Variants in SOS1 observed in about 807,000 individuals in gnomAD.
SOS1 encodes son of sevenless homolog 1.
In SOS1, 25 loss-of-function variants were observed where a neutral mutation model predicts 157.6. That is an observed-to-expected ratio of 0.16 (90% CI 0.12 to 0.22). The LOEUF is 0.22. Ranked by LOEUF, SOS1 falls within the 10% of genes least tolerant of loss-of-function variation. The pLI is 1.00. For synonymous variants in SOS1, 528 were observed against 534.0 expected, an observed-to-expected ratio of 0.99 and a Z score of 0.16; for missense variants, 1,237 against 1,599.1, an observed-to-expected ratio of 0.77 and a Z score of 3.86.
chr2:39,041,926 A>T (rs1037845950), intron 6 of SOS1, among the ~76,000 whole-genome samples: 13 of 152,070 alleles, frequency 8.5e-5, no homozygotes, highest in East Asian at 3.8e-4. Flanking sequence ...TATGGAATGA[A>T]TTTTTTTCCA....
Position 39,022,960 on chromosome 2 carries a change from G to C in SOS1, c.1468C>G (p.Leu490Val), listed in dbSNP as rs1669845000. 6.2e-7 allele frequency: 1 copy of C among 1,613,514 alleles called. No homozygotes were observed. The highest frequency in any genetic ancestry group is 8.5e-7 in the Non-Finnish European group (1 of 1,179,750). Residue 490 changes from leucine to valine, a missense_variant, in exon 10 of 23, where the codon CTT becomes GTT. Physicochemically the swap from Leu to Val is conservative, Grantham distance 32. This residue lies in a region of SOS1 where 210 missense variants were observed against 220.2 expected (regional missense o/e 0.95). Coordinates refer to ENST00000402219, the MANE Select transcript of SOS1 (RefSeq NM_005633.4). ...LPGASNAEYR[L>V]KEKFFMRKVQ... ...TTTCGCATAAAAAACTTTTCTTTAA[G>C]ACGATATTCTGCATTGCTAGCACCA...
Position 39,096,819 on chromosome 2 carries a change from G to C in SOS1, c.87+23517C>G, listed in dbSNP as rs538571998. On this transcript the variant is annotated intron_variant, in intron 1 of 22. Transcript: ENST00000402219. ...GAGAATGGTGTAAACCCAGGAGGTG[G>C]AGCTTGCAGTGAGCCGAGATCGCGC... 6.6e-5 allele frequency among the ~76,000 whole-genome samples: 10 copies of C among 151,910 alleles called. No individual in the cohort carries two copies. In the South Asian group the frequency reaches 2.1e-3, roughly 32 times the overall value.
chr2:39,077,290 C>T (rs930203780), intron 1 of SOS1, among the ~76,000 whole-genome samples: 2 of 149,410 alleles, frequency 1.3e-5, no homozygotes, highest in African/African-American at 2.5e-5. Flanking sequence ...TGCAGTGAGC[C>T]GAGATCGTGC....
At chr2:39,098,384 ATTCCT>A in intron 1 of SOS1, 2 of 239,412 alleles carry the variant, frequency 8.4e-6, no homozygotes, top group Non-Finnish European at 8.1e-6. Flanking sequence ...TTTCAGGCAC[ATTCCT>A]TTCATCAATA....
intron 1 of SOS1, among the ~76,000 whole-genome samples, chr2:39,087,457 C>T (rs141828867): frequency 8.2e-4 from 125 of 152,298 alleles, no homozygotes; most frequent in African/African-American, 2.5e-3. Context: ...CAATTAAACA[C>T]AGAATATTTA....
chr2:39,123,005 A>G (rs572683906), upstream of SOS1, among the ~76,000 whole-genome samples: 9 of 152,308 alleles, frequency 5.9e-5, no homozygotes, highest in South Asian at 1.9e-3. Flanking sequence ...AAAGGCGTGC[A>G]TCTGGCTCCT....
chr2:39,011,506 G>A (rs942824574), intron 14 of SOS1, among the ~76,000 whole-genome samples: 31 of 152,024 alleles, frequency 2.0e-4, no homozygotes, highest in African/African-American at 7.2e-4. Flanking sequence ...TTCTAACACT[G>A]TAATTTTCAG....
intron 19 of SOS1, among the ~76,000 whole-genome samples, chr2:38,996,136 C>T (rs745629560): frequency 3.0e-4 from 46 of 151,854 alleles, no homozygotes; most frequent in Admixed American, 7.9e-4. Flanking sequence ...CAGGCTGGAG[C>T]TGGATAGCCA....
At chr2:39,067,206 G>A (rs903614097) in intron 2 of SOS1, among the ~76,000 whole-genome samples, 2 of 151,884 alleles carry the variant, frequency 1.3e-5, no homozygotes, top group Admixed American at 6.6e-5. Context: ...TAGAGATGGG[G>A]TCTCACTTTG....
rs869178369 is a variant in SOS1, at chr2:39,069,190, C to CAAAAAAAA, written c.88-1445_88-1438dup. 7.3e-4 allele frequency among the ~76,000 whole-genome samples: 34 copies of CAAAAAAAA among 46,758 alleles called. 4 individuals carry two copies. Among genetic ancestry groups the CAAAAAAAA allele is most frequent in the East Asian group, 1.0e-3 (1 of 978 alleles). The allele number at this position is 46,758 out of a possible 152,430, so 30.7% of individuals were successfully genotyped here. A position where few individuals can be genotyped will look rare whatever the true frequency, so the allele number is the denominator to read the frequency against. On this transcript the variant is annotated intron_variant, in intron 1 of 22. Coordinates refer to ENST00000402219, the MANE Select transcript of SOS1 (RefSeq NM_005633.4). ...GGGAAAACCTGTCTCTACCAAAAAG[C>CAAAAAAAA]AAAAAAAAAAAAAAAAAAAAAAAAA...
intron 1 of SOS1, among the ~76,000 whole-genome samples, chr2:39,087,439 T>C (rs1412448442): frequency 2.0e-5 from 3 of 152,204 alleles, no homozygotes; most frequent in African/African-American, 7.2e-5. Context: ...TACATTTTTG[T>C]CACAAAACAA....
At chr2:39,091,931 C>T (rs543264322) in intron 1 of SOS1, among the ~76,000 whole-genome samples, 1 of 152,330 alleles carries the variant, frequency 6.6e-6, no homozygotes, top group African/African-American at 2.4e-5. Context: ...TCATTTCTCA[C>T]CACCTACACT....
intron 1 of SOS1, among the ~76,000 whole-genome samples, chr2:39,087,971 C>G (rs544540826): frequency 1.3e-5 from 2 of 151,118 alleles, no homozygotes; most frequent in African/African-American, 4.9e-5. Context: ...CTGCACCCAG[C>G]CGAAAGTGCT....
chr2:39,046,590 C>T (rs995630713), intron 6 of SOS1, among the ~76,000 whole-genome samples: 11 of 150,812 alleles, frequency 7.3e-5, no homozygotes, highest in African/African-American at 9.8e-5. Flanking sequence ...CTGCAAGCTC[C>T]GCCTCCCGGG....
intron 4 of SOS1, among the ~76,000 whole-genome samples, chr2:39,055,348 C>T (rs150256075): frequency 6.6e-6 from 1 of 152,098 alleles, no homozygotes; most frequent in African/African-American, 2.4e-5. Context: ...CTCTATAACA[C>T]AATAAAATAT....
rs532099545 is a variant in SOS1, at chr2:39,013,320, A to G, written c.2167+140T>C. ...GCAGGTCTAAATGCTATTTGATGAAAATTTTTAACTTTTTGAAATGGTTAT... is the reference window on the plus strand; with the variant it reads ...GCAGGTCTAAATGCTATTTGATGAAGATTTTTAACTTTTTGAAATGGTTAT... On this transcript the variant is annotated intron_variant, in intron 13 of 22. Transcript: ENST00000402219. The G allele has an allele frequency of 1.2e-5, 8 of 660,366 alleles. No individual in the cohort carries two copies. The East Asian group carries it at 1.4e-4, about 11-fold the overall frequency. The allele number at this position is 660,366 out of a possible 1,614,324, so 40.9% of individuals were successfully genotyped here. A position where few individuals can be genotyped will look rare whatever the true frequency, so the allele number is the denominator to read the frequency against.
intron 1 of SOS1, among the ~76,000 whole-genome samples, chr2:39,110,266 T>C (rs1449746506): frequency 3.9e-5 from 6 of 152,112 alleles, no homozygotes; most frequent in African/African-American, 1.4e-4. Flanking sequence ...TAACTAATAC[T>C]ATGTAAATAG....
chr2:39,103,253 G>A (rs569026400), intron 1 of SOS1, among the ~76,000 whole-genome samples: 2 of 152,120 alleles, frequency 1.3e-5, no homozygotes, highest in Non-Finnish European at 2.9e-5. Context: ...GTACAGATTC[G>A]ATGCAATCTC....
chr2:38,987,805 G>A, intron 21 of SOS1: 1 of 514,256 alleles, frequency 1.9e-6, no homozygotes, highest in South Asian at 2.2e-5. Flanking sequence ...GAAAAAAGCT[G>A]CCTAAGGTAT....
Sources: gnomAD v4.1 joint callset for allele counts (sites outside exome capture counted in the v4.1 genomes callset) on GRCh38, gnomAD v4.1.1 for gene constraint, gnomAD v4.1.1 regional missense constraint, MANE v1.5 for transcripts, NCBI Gene and HGNC (gene_info 2026-07-23, HGNC 2026-07-21) for gene names.